The following SHISA9 variants were observed in gnomAD, a reference collection of about 807,000 sequenced individuals.
The protein encoded by SHISA9 is shisa family member 9.
In SHISA9, 13 loss-of-function variants were observed where a neutral mutation model predicts 38.0. That is an observed-to-expected ratio of 0.34 (90% confidence interval 0.22 to 0.54). The LOEUF (loss-of-function observed/expected upper bound fraction) is 0.54. Ranked by LOEUF, SHISA9 falls within the 20% of genes least tolerant of loss-of-function variation. The pLI, the probability that SHISA9 is intolerant of heterozygous loss-of-function variation, is 0.91. For synonymous variants in SHISA9, 275 were observed against 242.0 expected, an observed-to-expected ratio of 1.14 and a Z score of -1.27; for missense variants, 538 against 575.8, an observed-to-expected ratio of 0.93 and a Z score of 0.67.
At chr16:13,165,911 T>C (rs2050631530) in intron 2 of SHISA9, among the ~76,000 whole-genome samples, 1 of 152,196 alleles carries the variant, frequency 6.6e-6, no homozygotes, top group African/African-American at 2.4e-5. Flanking sequence ...TAAGAAGCAG[T>C]ATTGACTTCA....
intron 2 of SHISA9, among the ~76,000 whole-genome samples, chr16:13,070,278 C>G (rs2073497660): frequency 6.6e-6 from 1 of 152,164 alleles, no homozygotes; most frequent in East Asian, 1.9e-4. Context: ...GACTCTGCCT[C>G]CATCTCTGTG....
At chr16:13,473,349 C>CTTTCT in the SHISA9 span, among the ~76,000 whole-genome samples, 1 of 73,904 alleles carries the variant, frequency 1.4e-5, no homozygotes, top group Non-Finnish European at 2.6e-5. Context: ...TTCTTTCTTT[C>CTTTCT]TTTTTTTTTT....
At chr16:13,298,419 A>G in the SHISA9 span, among the ~76,000 whole-genome samples, 1 of 152,246 alleles carries the variant, frequency 6.6e-6, no homozygotes, top group Non-Finnish European at 1.5e-5. Context: ...TCACATAATT[A>G]AGAGATTATC....
chr16:12,909,463 T>C lies in SHISA9; in HGVS notation c.563+6836T>C, dbSNP rs780203373. ...GATACCTGGAGGCTTTGAAGCAAGATACCGGGACTCTGAGTTCTGTTTGGA... is the reference window on the plus strand; with the variant it reads ...GATACCTGGAGGCTTTGAAGCAAGACACCGGGACTCTGAGTTCTGTTTGGA... On this transcript the variant is annotated intron_variant, in intron 1 of 4. Coordinates refer to ENST00000558583, the MANE Select transcript of SHISA9 (RefSeq NM_001145204.3). 10 of 985,470 alleles carry C rather than the reference T, an allele frequency of 1.0e-5. No individual in the cohort carries two copies. The South Asian group carries it at 1.4e-4, about 14-fold the overall frequency. The allele number at this position is 985,470 out of a possible 1,614,324, so 61.0% of individuals were successfully genotyped here. A position where few individuals can be genotyped will look rare whatever the true frequency, so the allele number is the denominator to read the frequency against.
the SHISA9 span, among the ~76,000 whole-genome samples, chr16:13,534,625 G>C: frequency 0.13 from 20,336 of 152,138 alleles, 1,486 homozygotes; most frequent in Middle Eastern, 0.2. Flanking sequence ...AGCAATCTTT[G>C]ACACATTTGA....
At chr16:13,015,620 T>C (rs2072732298) in intron 2 of SHISA9, among the ~76,000 whole-genome samples, 1 of 152,130 alleles carries the variant, frequency 6.6e-6, no homozygotes, top group South Asian at 2.1e-4. Flanking sequence ...GCAAAGTCAA[T>C]GCTAGCGTAA....
the SHISA9 span, among the ~76,000 whole-genome samples, chr16:13,508,133 T>G: frequency 1.3e-5 from 2 of 152,186 alleles, no homozygotes; most frequent in Admixed American, 6.5e-5. Flanking sequence ...TTCTGTAATA[T>G]GGGAATAAAA....
At chr16:12,990,500 G>A (rs1187718543) in intron 2 of SHISA9, among the ~76,000 whole-genome samples, 1 of 152,110 alleles carries the variant, frequency 6.6e-6, no homozygotes, top group Non-Finnish European at 1.5e-5. Context: ...ATCTCACTGT[G>A]GTTTTGATTC....
the SHISA9 span, among the ~76,000 whole-genome samples, chr16:13,418,123 A>T: frequency 1.3e-5 from 2 of 152,032 alleles, no homozygotes; most frequent in African/African-American, 2.4e-5. Context: ...GATTATGTTT[A>T]TCTCTGAGAA....
intron 2 of SHISA9, among the ~76,000 whole-genome samples, chr16:13,134,033 C>T (rs1457718285): frequency 6.6e-6 from 1 of 152,128 alleles, no homozygotes. Context: ...ATCTTGATCT[C>T]GATACACTAC....
At chr16:13,310,156 G>A in the SHISA9 span, among the ~76,000 whole-genome samples, 69 of 152,312 alleles carry the variant, frequency 4.5e-4, no homozygotes, top group African/African-American at 1.5e-3. Flanking sequence ...CCATAGTGCT[G>A]GGATTACAGG....
At chr16:12,964,109 T>A (rs1314792082) in intron 2 of SHISA9, among the ~76,000 whole-genome samples, 1 of 152,234 alleles carries the variant, frequency 6.6e-6, no homozygotes, top group Non-Finnish European at 1.5e-5. Context: ...GCCCTAGGTC[T>A]GTTCTGAATA....
chr16:13,524,548 G>A, the SHISA9 span, among the ~76,000 whole-genome samples: 2 of 152,060 alleles, frequency 1.3e-5, no homozygotes, highest in African/African-American at 4.8e-5. Flanking sequence ...CAGGACAATT[G>A]ACATTTTGGG....
chr16:13,142,747 G>T (rs1046741188), intron 2 of SHISA9, among the ~76,000 whole-genome samples: 14 of 152,094 alleles, frequency 9.2e-5, no homozygotes, highest in African/African-American at 4.8e-5. Context: ...GAGTGGGGGG[G>T]ATGTTTCCAT....
the SHISA9 span, among the ~76,000 whole-genome samples, chr16:13,409,520 G>C: frequency 1.3e-5 from 2 of 152,378 alleles, no homozygotes; most frequent in Non-Finnish European, 2.9e-5. Flanking sequence ...ACGGATTTGA[G>C]CAGTGGTGGT....
At chr16:13,076,182 C>T (rs558890935) in intron 2 of SHISA9, among the ~76,000 whole-genome samples, 1 of 152,168 alleles carries the variant, frequency 6.6e-6, no homozygotes, top group Admixed American at 6.5e-5. Flanking sequence ...ATGCATGCGC[C>T]ATCACACCTG....
chr16:13,396,729 C>T, the SHISA9 span, among the ~76,000 whole-genome samples: 1 of 152,116 alleles, frequency 6.6e-6, no homozygotes, highest in African/African-American at 2.4e-5. Context: ...AAGGCTCTTC[C>T]CTTTCTTGTG....
chr16:12,947,890 C>T (rs77159831), intron 2 of SHISA9, among the ~76,000 whole-genome samples: 4 of 152,100 alleles, frequency 2.6e-5, no homozygotes, highest in South Asian at 2.1e-4. Flanking sequence ...TCAAAATTGC[C>T]GGTTGTGGGT....
chr16:13,547,299 C>A, the SHISA9 span, among the ~76,000 whole-genome samples: 11 of 151,886 alleles, frequency 7.2e-5, no homozygotes, highest in African/African-American at 2.7e-4. Context: ...GGGTTTTTTT[C>A]TAGTGAGAAA....
Sources: allele counts gnomAD v4.1 joint callset (sites outside exome capture counted in the v4.1 genomes callset), GRCh38; gene constraint gnomAD v4.1.1; transcripts MANE v1.5; gene names NCBI Gene and HGNC (gene_info 2026-07-23, HGNC 2026-07-21).